PLCL2: variants seen among roughly 807,000 people sequenced by gnomAD.
PLCL2 encodes phospholipase C like 2, also known as inactive phospholipase C-like protein 2.
PLCL2 carries 4 observed loss-of-function variants against 79.6 expected under a neutral mutation model. The ratio of observed to expected loss-of-function variants is 0.05; its 90% CI spans 0.02 to 0.11. The LOEUF is 0.11. Among genes scored for constraint, PLCL2 ranks in the 10% least tolerant of loss-of-function variants. The probability of loss-of-function intolerance (pLI) is 1.00; values close to 1 mark genes in which losing one functional copy is unlikely to be tolerated. For missense variants in PLCL2, 895 were observed against 1,291.0 expected (o/e 0.69, Z 4.70); for synonymous variants, 484 against 457.7 (o/e 1.06, Z -0.73).
intron 1 of PLCL2, among the ~76,000 whole-genome samples, chr3:16,900,835 T>A (rs1696600438): frequency 6.6e-6 from 1 of 152,294 alleles, no homozygotes; most frequent in Non-Finnish European, 1.5e-5. Flanking sequence ...TGCTGGTTAC[T>A]CTCCATGCCA....
rs188882419 is a variant in PLCL2 at position 16,958,981 on chromosome 3, A to G, written c.328-50693A>G. Among the ~76,000 whole-genome samples the G allele has an allele frequency of 2.1e-3, 315 of 152,206 alleles. 1 individual carries two copies. Among genetic ancestry groups the G allele is most frequent in the African/African-American group, 5.8e-3 (242 of 41,528 alleles). On this transcript the variant is annotated intron_variant, in intron 1 of 5. Transcript: ENST00000615277. ...TGTTTTCCACTACCAAACCTCACCA[A>G]CACCTCAGACCATCCTTGGATTTAT...
intron 5 of PLCL2, among the ~76,000 whole-genome samples, chr3:17,074,121 T>C (rs538962227): frequency 3.3e-5 from 5 of 152,366 alleles, no homozygotes; most frequent in Non-Finnish European, 7.3e-5. Flanking sequence ...ATGGCAGCTA[T>C]AGCCTTATGA....
intron 1 of PLCL2, among the ~76,000 whole-genome samples, chr3:16,896,997 G>C (rs1455105162): frequency 6.6e-6 from 1 of 152,008 alleles, no homozygotes; most frequent in African/African-American, 2.4e-5. Context: ...TTATATGTTG[G>C]GTTCTCGACT....
rs74332311 is a variant in PLCL2 at position 17,014,786 on chromosome 3, C to G, written c.2893C>G (p.Pro965Ala). The G allele has an allele frequency of 1.2e-6, 2 of 1,614,116 alleles. No homozygotes were observed. Among genetic ancestry groups the G allele is most frequent in the South Asian group, 1.1e-5 (1 of 91,080 alleles). The part of the protein sequence containing the change: ...NLMQCMLAVS[P>A]RFLGPDNTPL... ...CATGCAGTGCATGTTGGCGGTGTCT[C>G]CCCGCTTTCTGGGGCCCGATAACAC... The change falls in exon 3 of 6, where the codon CCC becomes GCC. Residue 965 changes from proline to alanine, a missense_variant. Coordinates refer to ENST00000615277, the MANE Select transcript of PLCL2 (RefSeq NM_001144382.2).
rs151096605 is a variant in PLCL2 at position 17,024,777 on chromosome 3, TG to T, written c.3018+9869del. Among the ~76,000 whole-genome samples the T allele has an allele frequency of 9.7e-3, 1,485 of 152,322 alleles. 28 individuals are homozygous for T. The highest frequency in any genetic ancestry group is 0.034 in the African/African-American group (1,414 of 41,576). The stretch of plus-strand genomic sequence containing the variant: ...ATTCAGCCTCCTTCTCCCTTTGAGC[TG>T]GGAGCCTCCTGCTCCCTATTACTTG... On this transcript the variant is annotated intron_variant, in intron 3 of 5. Transcript: ENST00000615277.
At chr3:17,014,220 T>G (rs2064358751) in intron 2 of PLCL2, among the ~76,000 whole-genome samples, 2 of 152,246 alleles carry the variant, frequency 1.3e-5, no homozygotes, top group South Asian at 4.1e-4. Context: ...AAAGGTTCTT[T>G]AGATTTTGAG....
chr3:16,895,107 G>A (rs1300368983), intron 1 of PLCL2, among the ~76,000 whole-genome samples: 1 of 149,096 alleles, frequency 6.7e-6, no homozygotes, highest in African/African-American at 2.4e-5. Context: ...TATCTATATC[G>A]ATATAGATAT....
At chr3:17,026,075 ATAAT>A (rs1189781254) in intron 3 of PLCL2, among the ~76,000 whole-genome samples, 4 of 152,216 alleles carry the variant, frequency 2.6e-5, no homozygotes, top group African/African-American at 9.7e-5. Context: ...TTGCTGTGAA[ATAAT>A]TAATGCCACT....
chr3:17,019,415 G>A (rs1424026040), intron 3 of PLCL2, among the ~76,000 whole-genome samples: 2 of 152,212 alleles, frequency 1.3e-5, no homozygotes, highest in Non-Finnish European at 2.9e-5. Flanking sequence ...TGGAAACCCT[G>A]TAGCACAACA....
chr3:17,056,452 A>G lies in PLCL2; in HGVS notation c.3095-11504A>G, dbSNP rs1271862352. ...ATCCTATAGTATATTATAAATATAT[A>G]AGGGATTGTAAAAGGGAATATACAA... On this transcript the variant is annotated intron_variant, in intron 4 of 5. Transcript: ENST00000615277. Among the ~76,000 whole-genome samples, 3 of 152,150 alleles carry G rather than the reference A, an allele frequency of 2.0e-5. No homozygotes were observed. The East Asian group carries it at 5.8e-4, about 29-fold the overall frequency.
At chr3:17,032,210 G>A (rs539952233) in intron 3 of PLCL2, among the ~76,000 whole-genome samples, 55 of 152,128 alleles carry the variant, frequency 3.6e-4, no homozygotes, top group Non-Finnish European at 7.4e-4. Context: ...AACCCCTCCA[G>A]CGACCTTTTC....
At chr3:17,070,584 AT>A (rs2065052217) in intron 5 of PLCL2, among the ~76,000 whole-genome samples, 1 of 152,174 alleles carries the variant, frequency 6.6e-6, no homozygotes, top group Non-Finnish European at 1.5e-5. Flanking sequence ...TCTGTGTGTC[AT>A]TTCTGTAGAA....
chr3:16,905,111 G>A (rs951772559), intron 1 of PLCL2, among the ~76,000 whole-genome samples: 1 of 152,146 alleles, frequency 6.6e-6, no homozygotes, highest in South Asian at 2.1e-4. Flanking sequence ...TATTTTTGTT[G>A]TGACAGTCCC....
At position 17,068,056 on chromosome 3, in the gene PLCL2, C is replaced by T; in HGVS notation, c.3195C>T (p.Thr1065=). ...KAVESFTWNI[T]ILKGQADLLK... The stretch of plus-strand genomic sequence containing the variant: ...TGGAGAGCTTTACCTGGAATATTAC[C>T]ATCTTAAAGGTATCTATAGAGTTGT... Residue 1065 remains threonine (T), a synonymous_variant, in exon 5 of 6, where the codon ACC becomes ACT. Transcript: ENST00000615277. The T allele has an allele frequency of 6.4e-7, 1 of 1,574,746 alleles. No homozygotes were observed.
chr3:16,942,151 C>T (rs1575542402), intron 1 of PLCL2, among the ~76,000 whole-genome samples: 1 of 152,154 alleles, frequency 6.6e-6, no homozygotes, highest in Non-Finnish European at 1.5e-5. Context: ...TAACTGTGGG[C>T]CCCCAGACTG....
intron 1 of PLCL2, among the ~76,000 whole-genome samples, chr3:16,906,124 T>C (rs1331547027): frequency 1.3e-5 from 2 of 152,186 alleles, no homozygotes; most frequent in African/African-American, 4.8e-5. Flanking sequence ...GTTAATATTA[T>C]ATATTAAAAC....
chr3:16,969,216 G>C (rs887148660), intron 1 of PLCL2, among the ~76,000 whole-genome samples: 1 of 151,988 alleles, frequency 6.6e-6, no homozygotes, highest in Non-Finnish European at 1.5e-5. Flanking sequence ...TTTTTGTTGT[G>C]TCTCTTCCAG....
At chr3:16,962,889 C>CATAAT (rs1240597126) in intron 1 of PLCL2, among the ~76,000 whole-genome samples, 7 of 152,070 alleles carry the variant, frequency 4.6e-5, no homozygotes, top group African/African-American at 1.7e-4. Context: ...TATGTACATA[C>CATAAT]ACACATATGA....
At chr3:17,017,018 T>C (rs1471709073) in intron 3 of PLCL2, among the ~76,000 whole-genome samples, 1 of 151,996 alleles carries the variant, frequency 6.6e-6, no homozygotes, top group Non-Finnish European at 1.5e-5. Context: ...CTATCAAGAG[T>C]GTGTGATCAT....
Sources: gnomAD v4.1 joint callset for allele counts (sites outside exome capture counted in the v4.1 genomes callset) on GRCh38, gnomAD v4.1.1 for gene constraint, MANE v1.5 for transcripts, NCBI Gene and HGNC (gene_info 2026-07-23, HGNC 2026-07-21) for gene names.